ALK: variants seen among roughly 807,000 people sequenced by gnomAD.
ALK encodes the protein ALK receptor tyrosine kinase, also known as ALK tyrosine kinase receptor.
Under a neutral mutation model 163.1 loss-of-function variants are expected in ALK, and 74 were observed. The ratio of observed to expected loss-of-function variants is 0.45; its 90% CI spans 0.38 to 0.55. The LOEUF is 0.55. Ranked by LOEUF, ALK falls within the 20% of genes least tolerant of loss-of-function variation. The probability of loss-of-function intolerance (pLI) is 0.00; values close to 1 mark genes in which losing one functional copy is unlikely to be tolerated. For missense variants in ALK, 2,063 were observed against 2,105.3 expected, an observed-to-expected ratio of 0.98 and a Z score of 0.39; for synonymous variants, 960 against 843.2, an observed-to-expected ratio of 1.14 and a Z score of -2.40.
At chr2:29,919,877 G>A (rs764167635) in intron 1 of ALK, 116 bp downstream of exon 1, 77 of 1,285,338 alleles carry the variant, frequency 6.0e-5, no homozygotes, top group Admixed American at 2.0e-4. Flanking sequence ...GAAGGAGGGC[G>A]ATGAAGCAGA....
chr2:29,667,531 T>C (rs1035747552), intron 3 of ALK, among the ~76,000 whole-genome samples: 3 of 152,128 alleles, frequency 2.0e-5, no homozygotes, highest in African/African-American at 7.2e-5. Context: ...TAAAGAGACA[T>C]TAAATTTTAT....
chr2:29,729,710 G>C (rs1018036841), intron 1 of ALK, among the ~76,000 whole-genome samples: 1 of 152,148 alleles, frequency 6.6e-6, no homozygotes, highest in Non-Finnish European at 1.5e-5. Context: ...TTTGGAGCTG[G>C]CAAGTGTGAA....
intron 4 of ALK, among the ~76,000 whole-genome samples, chr2:29,430,829 A>C (rs1670254923): frequency 6.6e-6 from 1 of 152,224 alleles, no homozygotes; most frequent in Admixed American, 6.5e-5. Context: ...TGATTTGAAC[A>C]AATTTCCTAA....
At chr2:29,847,216 A>G (rs1351722050) in intron 1 of ALK, among the ~76,000 whole-genome samples, 1 of 152,138 alleles carries the variant, frequency 6.6e-6, no homozygotes, top group Non-Finnish European at 1.5e-5. Flanking sequence ...CTTCTTCTAG[A>G]GGTGACCATA....
At chr2:29,751,683 C>G (rs143126387) in intron 1 of ALK, among the ~76,000 whole-genome samples, 1,653 of 152,162 alleles carry the variant, frequency 0.011, 21 homozygotes, top group Middle Eastern at 0.038. Flanking sequence ...ACCATTTTAC[C>G]GAAACTTAGG....
Position 29,635,352 on chromosome 2 carries a change from G to A in ALK, c.952+59498C>T, listed in dbSNP as rs1676490471. ...TTGACAAGGGGGTATTAACCTAGATGATCCAGGTGAGCCCTACATTCAATC... is the reference window on the plus strand; with the variant it reads ...TTGACAAGGGGGTATTAACCTAGATAATCCAGGTGAGCCCTACATTCAATC... On this transcript the variant is annotated intron_variant, in intron 3 of 28. Coordinates refer to ENST00000389048, the MANE Select transcript of ALK (RefSeq NM_004304.5). 2.0e-5 allele frequency among the ~76,000 whole-genome samples: 3 copies of A among 152,176 alleles called. No homozygotes were observed. The South Asian group carries it at 6.2e-4, about 32-fold the overall frequency.
intron 4 of ALK, among the ~76,000 whole-genome samples, chr2:29,512,771 CCTT>C (rs959953978): frequency 1.3e-5 from 2 of 149,510 alleles, no homozygotes; most frequent in African/African-American, 5.0e-5. Context: ...CCCAAAATCT[CCTT>C]AAGCTGATAA....
intron 1 of ALK, among the ~76,000 whole-genome samples, chr2:29,739,057 T>A (rs1258693052): frequency 6.6e-6 from 1 of 151,378 alleles, no homozygotes; most frequent in African/African-American, 2.4e-5. Flanking sequence ...GGCAACATAG[T>A]GAGACCCTGT....
At chr2:29,649,897 A>G (rs560581186) in intron 3 of ALK, among the ~76,000 whole-genome samples, 2 of 152,234 alleles carry the variant, frequency 1.3e-5, no homozygotes, top group African/African-American at 2.4e-5. Flanking sequence ...GATAACCCTA[A>G]TATCTTTTCA....
At chr2:29,206,610 C>G (rs560849747) in intron 26 of ALK, among the ~76,000 whole-genome samples, 1 of 152,068 alleles carries the variant, frequency 6.6e-6, no homozygotes. Context: ...TTCTGGGGCT[C>G]TCAGGCAGAG....
intron 28 of ALK, 35 bp downstream of exon 28, chr2:29,196,735 G>T: frequency 6.8e-7 from 1 of 1,466,650 alleles, no homozygotes; most frequent in Non-Finnish European, 9.6e-7. Context: ...GTTTCATATA[G>T]AGTAAATGTT....
intron 19 of ALK, chr2:29,224,638 T>C: frequency 4.4e-6 from 1 of 226,020 alleles, no homozygotes; most frequent in Non-Finnish European, 8.8e-6. Flanking sequence ...CTCAGTTCCC[T>C]CCTCTATGCA....
chr2:29,747,761 C>T (rs1221764257), intron 1 of ALK, among the ~76,000 whole-genome samples: 1 of 152,182 alleles, frequency 6.6e-6, no homozygotes, highest in Non-Finnish European at 1.5e-5. Context: ...GCCCCTCCCC[C>T]ACCACCAAAT....
intron 4 of ALK, among the ~76,000 whole-genome samples, chr2:29,432,854 T>A (rs1234837656): frequency 6.6e-6 from 1 of 151,930 alleles, no homozygotes; most frequent in East Asian, 1.9e-4. Context: ...CTCAGTGAAG[T>A]GGGGGTGAGT....
rs766019535 is a variant in ALK, at chr2:29,193,180, G to A, written c.*44C>T. On this transcript the variant is annotated 3_prime_UTR_variant, in exon 29 of 29. Coordinates refer to ENST00000389048, the MANE Select transcript of ALK (RefSeq NM_004304.5). Reference sequence around the variant, plus strand: ...GAGCCATTGCCTCTCTCTCCTCCACGGTCTTAGGGATCCCAAGGAAGAGAA... The same window carrying A: ...GAGCCATTGCCTCTCTCTCCTCCACAGTCTTAGGGATCCCAAGGAAGAGAA... The A allele has an allele frequency of 1.6e-5, 25 of 1,594,984 alleles. No homozygotes were observed. Among genetic ancestry groups the A allele is most frequent in the East Asian group, 2.2e-5 (1 of 44,694 alleles).
At chr2:29,580,499 C>T (rs1674654658) in intron 3 of ALK, among the ~76,000 whole-genome samples, 1 of 152,220 alleles carries the variant, frequency 6.6e-6, no homozygotes, top group African/African-American at 2.4e-5. Context: ...CTCCGGTTGA[C>T]ATAACCCCCA....
At chr2:29,558,407 T>A (rs111598449) in intron 3 of ALK, among the ~76,000 whole-genome samples, 10 of 152,308 alleles carry the variant, frequency 6.6e-5, no homozygotes, top group Admixed American at 2.0e-4. Context: ...CTCTTTAGCC[T>A]GGCCCAACAT....
At chr2:29,232,154 C>A in intron 15 of ALK, 150 bp downstream of exon 15, 1 of 1,146,614 alleles carries the variant, frequency 8.7e-7, no homozygotes, top group South Asian at 1.3e-5. Flanking sequence ...GTGCTGCCTG[C>A]CCTCCCTCCC....
chr2:29,697,694 C>T (rs1343806159), intron 2 of ALK, among the ~76,000 whole-genome samples: 1 of 152,176 alleles, frequency 6.6e-6, no homozygotes, highest in Non-Finnish European at 1.5e-5. Flanking sequence ...AGTTTGAGTC[C>T]AGGCATGACT....
Sources: allele counts gnomAD v4.1 joint callset (sites outside exome capture counted in the v4.1 genomes callset), GRCh38; gene constraint gnomAD v4.1.1; transcripts MANE v1.5; gene names NCBI Gene and HGNC (gene_info 2026-07-23, HGNC 2026-07-21).